XRCC4: variants seen among roughly 807,000 people sequenced by gnomAD.
XRCC4 encodes DNA repair protein XRCC4.
In XRCC4, 28 loss-of-function variants were observed where a neutral mutation model predicts 39.1. The ratio of observed to expected loss-of-function variants is 0.72; its 90% CI spans 0.53 to 0.98. The LOEUF is 0.98. XRCC4 is among the 50% of genes least tolerant of loss of function. The pLI, the probability that XRCC4 is intolerant of heterozygous loss-of-function variation, is 0.00. For synonymous variants in XRCC4, 123 were observed against 126.4 expected, an observed-to-expected ratio of 0.97 and a Z score of 0.18; for missense variants, 350 against 376.4, an observed-to-expected ratio of 0.93 and a Z score of 0.58.
intron 7 of XRCC4, among the ~76,000 whole-genome samples, chr5:83,337,295 C>T (rs748104023): frequency 1.3e-5 from 2 of 152,132 alleles, no homozygotes; most frequent in Non-Finnish European, 2.9e-5. Flanking sequence ...ACAAAGATGT[C>T]CACAATTAAG....
intron 7 of XRCC4, among the ~76,000 whole-genome samples, chr5:83,346,619 A>T (rs573579817): frequency 6.2e-4 from 95 of 152,322 alleles, no homozygotes; most frequent in African/African-American, 2.1e-3. Flanking sequence ...TGAGAGCAGG[A>T]GTAACACTTA....
At chr5:83,235,487 A>T (rs1752655547) in intron 6 of XRCC4, among the ~76,000 whole-genome samples, 1 of 152,164 alleles carries the variant, frequency 6.6e-6, no homozygotes, top group African/African-American at 2.4e-5. Context: ...ACAGATGCCA[A>T]AAAAGCATTT....
At chr5:83,106,531 A>G (rs1481307100) in intron 2 of XRCC4, among the ~76,000 whole-genome samples, 1 of 152,058 alleles carries the variant, frequency 6.6e-6, no homozygotes, top group African/African-American at 2.4e-5. Context: ...CCAAGATAAA[A>G]ATCAGTGATA....
At chr5:83,308,408 A>C (rs555767130) in intron 7 of XRCC4, among the ~76,000 whole-genome samples, 259 of 152,308 alleles carry the variant, frequency 1.7e-3, no homozygotes, top group Non-Finnish European at 2.1e-3. Flanking sequence ...AGTTAATAAC[A>C]TATTATAAAA....
At chr5:83,121,756 T>G (rs1747020428) in intron 3 of XRCC4, among the ~76,000 whole-genome samples, 1 of 152,196 alleles carries the variant, frequency 6.6e-6, no homozygotes. Context: ...TTGAGATCAC[T>G]TCTAATGCAT....
chr5:83,124,987 A>C (rs1444673967), intron 3 of XRCC4, among the ~76,000 whole-genome samples: 3 of 152,188 alleles, frequency 2.0e-5, no homozygotes, highest in Non-Finnish European at 4.4e-5. Context: ...CTACATTCTT[A>C]TCAGCACTTG....
chr5:83,179,032 A>G (rs1426432566), intron 3 of XRCC4, among the ~76,000 whole-genome samples: 1 of 152,184 alleles, frequency 6.6e-6, no homozygotes, highest in East Asian at 1.9e-4. Context: ...CTCCACTAGA[A>G]TAGATTGACC....
intron 3 of XRCC4, among the ~76,000 whole-genome samples, chr5:83,177,835 T>A (rs1007656983): frequency 2.0e-5 from 3 of 152,152 alleles, no homozygotes; most frequent in African/African-American, 7.2e-5. Flanking sequence ...CAGGAAGGCT[T>A]TAGAATCTTA....
At chr5:83,096,395 G>A (rs918860804) in intron 1 of XRCC4, among the ~76,000 whole-genome samples, 6 of 152,148 alleles carry the variant, frequency 3.9e-5, no homozygotes, top group Admixed American at 6.5e-5. Context: ...ACCGGCCTTT[G>A]TGGGGCACTT....
chr5:83,200,289 A>C (rs1332882534), intron 4 of XRCC4, among the ~76,000 whole-genome samples: 1 of 152,180 alleles, frequency 6.6e-6, no homozygotes, highest in Non-Finnish European at 1.5e-5. Flanking sequence ...CTTTTTCTCC[A>C]GTCAGCTCCC....
chr5:83,155,926 TC>T (rs1284914137), intron 3 of XRCC4, among the ~76,000 whole-genome samples: 4 of 152,144 alleles, frequency 2.6e-5, no homozygotes, highest in African/African-American at 9.7e-5. Context: ...AGTCTTAATG[TC>T]TTTTTACATG....
chr5:83,309,647 C>T (rs2112087367), intron 7 of XRCC4, among the ~76,000 whole-genome samples: 1 of 150,862 alleles, frequency 6.6e-6, no homozygotes, highest in Middle Eastern at 3.4e-3. Flanking sequence ...GCCTGTAGTC[C>T]CAGCTACTCA....
At chr5:83,199,425 T>C (rs1939797306) in intron 4 of XRCC4, among the ~76,000 whole-genome samples, 1 of 152,196 alleles carries the variant, frequency 6.6e-6, no homozygotes, top group African/African-American at 2.4e-5. Flanking sequence ...TTTCCAGTTC[T>C]TTTTAGCTTT....
chr5:83,093,404 G>A (rs1745523408), intron 1 of XRCC4, among the ~76,000 whole-genome samples: 1 of 152,182 alleles, frequency 6.6e-6, no homozygotes, highest in African/African-American at 2.4e-5. Flanking sequence ...GACAGATAAT[G>A]TCAGAAAATT....
At chr5:83,166,392 C>G (rs1231692667) in intron 3 of XRCC4, among the ~76,000 whole-genome samples, 2 of 151,894 alleles carry the variant, frequency 1.3e-5, no homozygotes, top group African/African-American at 2.4e-5. Context: ...TGAGGAATCC[C>G]CACACTGTCT....
intron 6 of XRCC4, among the ~76,000 whole-genome samples, chr5:83,215,701 G>T (rs1288989127): frequency 2.0e-5 from 3 of 152,186 alleles, no homozygotes; most frequent in African/African-American, 7.2e-5. Context: ...CCTCAGCACA[G>T]CTGCGAAGAC....
intron 7 of XRCC4, among the ~76,000 whole-genome samples, chr5:83,330,525 A>G (rs73140223): frequency 0.027 from 4,051 of 152,128 alleles, 106 homozygotes; most frequent in East Asian, 0.15. Context: ...ATATGTATAC[A>G]TGTAATAAAA....
chr5:83,324,053 C>A (rs1324851769), intron 7 of XRCC4, among the ~76,000 whole-genome samples: 1 of 152,002 alleles, frequency 6.6e-6, no homozygotes, highest in East Asian at 1.9e-4. Context: ...CAGAATACAT[C>A]AAGAAAATCT....
the XRCC4 span, among the ~76,000 whole-genome samples, chr5:83,360,437 G>A: frequency 6.6e-6 from 1 of 152,098 alleles, no homozygotes; most frequent in African/African-American, 2.4e-5. Flanking sequence ...ATTTCTCTGA[G>A]GAACTAAGTT....
Sources: allele counts gnomAD v4.1 joint callset (sites outside exome capture counted in the v4.1 genomes callset), GRCh38; gene constraint gnomAD v4.1.1; transcripts MANE v1.5; gene names NCBI Gene and HGNC (gene_info 2026-07-23, HGNC 2026-07-21).